USP53: variants seen among roughly 807,000 people sequenced by gnomAD.
The protein encoded by USP53 is ubiquitin specific peptidase 53, also known as ubiquitin carboxyl-terminal hydrolase 53.
A neutral mutation model predicts 94.9 loss-of-function variants in USP53; 71 were observed. That is an observed-to-expected ratio of 0.75 (90% CI 0.62 to 0.91). The LOEUF (loss-of-function observed/expected upper bound fraction) is 0.91. USP53 is among the 40% of genes least tolerant of loss of function. USP53 has a pLI of 0.00. For synonymous variants in USP53, 375 were observed against 422.7 expected (o/e 0.89, Z 1.39); for missense variants, 1,173 against 1,281.0 (o/e 0.92, Z 1.29).
intron 17 of USP53, among the ~76,000 whole-genome samples, chr4:119,289,337 T>C (rs550675241): frequency 6.6e-6 from 1 of 152,356 alleles, no homozygotes; most frequent in Admixed American, 6.5e-5. Context: ...CCTTGAATTA[T>C]GCTAACATTT....
chr4:119,213,660 A>ATATATATATGTGTGTGTGTGTGTGTG, intron 1 of USP53, among the ~76,000 whole-genome samples: 35 of 117,758 alleles, frequency 3.0e-4, no homozygotes, highest in African/African-American at 6.1e-4. Flanking sequence ...ATATATATAT[A>ATATATATATGTGTGTGTGTGTGTGTG]TGTGTGTGTG....
chr4:119,249,699 C>T (rs867714549), intron 7 of USP53, among the ~76,000 whole-genome samples: 10 of 128,552 alleles, frequency 7.8e-5, no homozygotes, highest in Middle Eastern at 5.7e-3. Context: ...GAGTCTCGGT[C>T]TGTCACCCAG....
At chr4:119,279,893 C>G (rs180863875) in intron 17 of USP53, among the ~76,000 whole-genome samples, 1 of 152,212 alleles carries the variant, frequency 6.6e-6, no homozygotes, top group Non-Finnish European at 1.5e-5. Context: ...CTTTCTTTGA[C>G]TCGGAAAGGG....
At chr4:119,263,633 A>G (rs1031540255) in intron 12 of USP53, among the ~76,000 whole-genome samples, 1 of 152,192 alleles carries the variant, frequency 6.6e-6, no homozygotes, top group Non-Finnish European at 1.5e-5. Context: ...CAAGGTTAGT[A>G]ATAGTTTGTA....
chr4:119,290,935 G>A (rs1754685508), intron 17 of USP53, among the ~76,000 whole-genome samples: 1 of 152,088 alleles, frequency 6.6e-6, no homozygotes, highest in South Asian at 2.1e-4. Flanking sequence ...TTCCATCATG[G>A]ATGACACCCT....
Position 119,293,111 on chromosome 4 carries a change from TTGATAGCTGCA to T in USP53, c.3126_3136del (p.Ser1043GlyfsTer4). On this transcript the variant is annotated frameshift_variant, in exon 19 of 19. Coordinates refer to ENST00000692078, the MANE Select transcript of USP53 (RefSeq NM_001371395.1). LOFTEE classifies it high-confidence loss of function. Reference sequence around the variant, plus strand: ...GTTTCATTAACTACCTATTTTTCAGTTGATAGCTGCATGACGGATACATATAGATTGAAATA... The same window carrying T: ...GTTTCATTAACTACCTATTTTTCAGTTGACGGATACATATAGATTGAAATA... 6.2e-7 allele frequency: 1 copy of T among 1,613,970 alleles called. No homozygotes were observed. The highest frequency in any genetic ancestry group is 8.5e-7 in the Non-Finnish European group (1 of 1,179,910).
intron 3 of USP53, chr4:119,220,163 A>G (rs1023747685): frequency 2.0e-5 from 3 of 152,188 alleles, no homozygotes; most frequent in Non-Finnish European, 1.5e-5. Context: ...TTCTGAAGGG[A>G]CGCATAAGAC....
intron 11 of USP53, 129 bp from the exon 12 acceptor site, chr4:119,261,586 T>C: frequency 1.6e-6 from 1 of 618,512 alleles, no homozygotes; most frequent in South Asian, 4.1e-5. Context: ...CAAGTAATAA[T>C]ATAATATTAG....
chr4:119,236,346 G>A (rs767506217), intron 4 of USP53, among the ~76,000 whole-genome samples: 6 of 152,154 alleles, frequency 3.9e-5, no homozygotes, highest in Non-Finnish European at 8.8e-5. Context: ...AGAGGGTCTC[G>A]CCTTGATGTT....
Position 119,217,215 on chromosome 4 carries a change from C to G in USP53, c.-788-335C>G, listed in dbSNP as rs139808809. Among the ~76,000 whole-genome samples the G allele has an allele frequency of 2.4e-4, 36 of 152,274 alleles. No homozygotes were observed. The East Asian group carries it at 6.0e-3, about 25-fold the overall frequency. ...GCCCATCAGATACCTCATTCTTTGGCTTTTTCTTAACTCCTCAGCCTGCAT... is the reference window on the plus strand; with the variant it reads ...GCCCATCAGATACCTCATTCTTTGGGTTTTTCTTAACTCCTCAGCCTGCAT... On this transcript the variant is annotated intron_variant, in intron 2 of 18. Transcript: ENST00000692078.
chr4:119,280,283 A>T (rs1578562376), intron 17 of USP53, among the ~76,000 whole-genome samples: 1 of 151,882 alleles, frequency 6.6e-6, no homozygotes, highest in Non-Finnish European at 1.5e-5. Flanking sequence ...GGACCCTTGA[A>T]CACATTGCTT....
intron 13 of USP53, 127 bp downstream of exon 13, chr4:119,267,609 A>T: frequency 9.3e-7 from 1 of 1,081,030 alleles, no homozygotes; most frequent in Non-Finnish European, 1.3e-6. Flanking sequence ...GAGCTGAGGA[A>T]ATTTTAGTAA....
Position 119,292,587 on chromosome 4 carries a change from C to T in USP53, c.2598C>T (p.His866=), listed in dbSNP as rs374050849. The change falls in exon 19 of 19, where the codon CAC becomes CAT. Residue 866 remains histidine, a synonymous_variant. Coordinates refer to ENST00000692078, the MANE Select transcript of USP53 (RefSeq NM_001371395.1). Reference sequence around the variant, plus strand: ...AACCATCTTCATTATGGTCTTCACACCTAAGAACTGTTGGGTTAAAGCCAG... The same window carrying T: ...AACCATCTTCATTATGGTCTTCACATCTAAGAACTGTTGGGTTAAAGCCAG... The part of the protein sequence containing the change: ...SNEPSSLWSS[H]LRTVGLKPET... 6.2e-7 allele frequency: 1 copy of T among 1,614,056 alleles called. No individual in the cohort carries two copies. The highest frequency in any genetic ancestry group is 8.5e-7 in the Non-Finnish European group (1 of 1,179,952).
intron 17 of USP53, among the ~76,000 whole-genome samples, chr4:119,274,123 G>C (rs965474104): frequency 7.3e-6 from 1 of 137,078 alleles, no homozygotes; most frequent in Non-Finnish European, 1.6e-5. Context: ...TATACTTTAA[G>C]TTTTAGGGTA....
chr4:119,257,168 A>C (rs1468030228), intron 9 of USP53, among the ~76,000 whole-genome samples: 1 of 152,162 alleles, frequency 6.6e-6, no homozygotes, highest in East Asian at 1.9e-4. Flanking sequence ...GTGGCTGGGC[A>C]CAGTGGCTCA....
chr4:119,249,525 A>G (rs1481236164), intron 7 of USP53, among the ~76,000 whole-genome samples: 3 of 152,054 alleles, frequency 2.0e-5, no homozygotes, highest in African/African-American at 7.2e-5. Flanking sequence ...CTAGTCAGCA[A>G]AGTTTGTAAA....
rs144212444 is a variant in USP53 at position 119,287,043 on chromosome 4, T to A, written c.2252-4122T>A. On this transcript the variant is annotated intron_variant, in intron 17 of 18. Transcript: ENST00000692078. ...GAGGGAAAGATAAGATTTGTCTCAA[T>A]TCATACTTAACTTGTCTTGCACCAC... 8.7e-3 allele frequency among the ~76,000 whole-genome samples: 1,319 copies of A among 152,134 alleles called. 16 individuals are homozygous for A. Among genetic ancestry groups the A allele is most frequent in the African/African-American group, 0.03 (1,229 of 41,532 alleles).
chr4:119,252,995 A>G (rs187921846), intron 7 of USP53, among the ~76,000 whole-genome samples: 1 of 151,856 alleles, frequency 6.6e-6, no homozygotes, highest in Non-Finnish European at 1.5e-5. Flanking sequence ...TTAGTTACCC[A>G]GTAGTCATTC....
Position 119,219,053 on chromosome 4 carries a change from G to T in USP53, c.-665+1380G>T, listed in dbSNP as rs2149260614. 3.9e-5 allele frequency: 6 copies of T among 152,166 alleles called. 1 individual carries two copies. The allele number at this position is 152,166 out of a possible 1,614,324, so 9.4% of individuals were successfully genotyped here. On this transcript the variant is annotated intron_variant, in intron 3 of 18. Transcript: ENST00000692078. ...GGATATTTCTAATTTTCTTTATGTAGTATTTCTGTGGTATTTCAGAAATCT... is the reference window on the plus strand; with the variant it reads ...GGATATTTCTAATTTTCTTTATGTATTATTTCTGTGGTATTTCAGAAATCT...
Sources: allele counts gnomAD v4.1 joint callset (sites outside exome capture counted in the v4.1 genomes callset), GRCh38; gene constraint gnomAD v4.1.1; transcripts MANE v1.5; gene names NCBI Gene and HGNC (gene_info 2026-07-23, HGNC 2026-07-21).